Variants in RAB6A observed in about 807,000 individuals in gnomAD.
RAB6A encodes the protein RAB6A, member RAS oncogene family.
In RAB6A, 8 loss-of-function variants were observed where a neutral mutation model predicts 32.3. The observed-to-expected ratio is 0.25, with a 90% CI of 0.15 to 0.45. The LOEUF (loss-of-function observed/expected upper bound fraction) is 0.45. Ranked by LOEUF, RAB6A falls within the 20% of genes least tolerant of loss-of-function variation. The pLI, the probability that RAB6A is intolerant of heterozygous loss-of-function variation, is 1.00. For synonymous variants in RAB6A, 73 were observed against 82.1 expected (o/e 0.89, Z 0.60); for missense variants, 104 against 249.4 (o/e 0.42, Z 3.93).
At chr11:73,719,990 A>G (rs1299238377) in intron 3 of RAB6A, among the ~76,000 whole-genome samples, 2 of 151,830 alleles carry the variant, frequency 1.3e-5, no homozygotes, top group African/African-American at 4.8e-5. Flanking sequence ...AAAAACACCT[A>G]AGAAATAACA....
intron 1 of RAB6A, among the ~76,000 whole-genome samples, chr11:73,737,450 T>G (rs1946416919): frequency 6.6e-6 from 1 of 152,094 alleles, no homozygotes; most frequent in African/African-American, 2.4e-5. Context: ...ACCACTGCAC[T>G]CCAGCCTGGG....
intron 1 of RAB6A, among the ~76,000 whole-genome samples, chr11:73,735,920 TAA>T (rs10676769): frequency 2.3e-5 from 2 of 87,078 alleles, no homozygotes; most frequent in Non-Finnish European, 4.4e-5. Flanking sequence ...AACCTTGCCT[TAA>T]AAAAAAAAAA....
intron 7 of RAB6A, among the ~76,000 whole-genome samples, 173 bp from the exon 8 acceptor site, chr11:73,678,135 ATATCT>A (rs1214324738): frequency 6.6e-6 from 1 of 152,234 alleles, no homozygotes; most frequent in Non-Finnish European, 1.5e-5. Flanking sequence ...AAACTTGTTT[ATATCT>A]ACTATATGCA....
chr11:73,737,582 C>T (rs1590878803), intron 1 of RAB6A, among the ~76,000 whole-genome samples: 1 of 152,118 alleles, frequency 6.6e-6, no homozygotes, highest in Non-Finnish European at 1.5e-5. Flanking sequence ...GCCAAATGTC[C>T]ATCAACTAAT....
At chr11:73,705,737 T>C (rs908941089) in intron 6 of RAB6A, among the ~76,000 whole-genome samples, 2 of 148,360 alleles carry the variant, frequency 1.3e-5, no homozygotes, top group African/African-American at 5.0e-5. Flanking sequence ...TCCATACACA[T>C]TGCTAGGTTC....
chr11:73,687,986 C>A (rs371344324), intron 6 of RAB6A, among the ~76,000 whole-genome samples: 1 of 152,170 alleles, frequency 6.6e-6, no homozygotes, highest in African/African-American at 2.4e-5. Context: ...GAGATAGTGT[C>A]TTTCTTAGTG....
intron 2 of RAB6A, among the ~76,000 whole-genome samples, chr11:73,728,390 T>C (rs561967663): frequency 6.6e-6 from 1 of 152,164 alleles, no homozygotes; most frequent in Non-Finnish European, 1.5e-5. Context: ...ATGCTTTTTA[T>C]GTGTACATTC....
At chr11:73,710,694 G>A (rs1450631192) in intron 5 of RAB6A, among the ~76,000 whole-genome samples, 1 of 151,616 alleles carries the variant, frequency 6.6e-6, no homozygotes, top group African/African-American at 2.4e-5. Context: ...CCGAGGTTGT[G>A]CTATTGCACT....
chr11:73,708,378 A>T (rs1160500733), intron 5 of RAB6A, among the ~76,000 whole-genome samples: 2 of 152,188 alleles, frequency 1.3e-5, no homozygotes, highest in Admixed American at 6.5e-5. Context: ...CATGTTGGCC[A>T]GGCTGGTCTC....
At chr11:73,759,886 C>G (rs1946814775) in intron 1 of RAB6A, among the ~76,000 whole-genome samples, 1 of 152,228 alleles carries the variant, frequency 6.6e-6, no homozygotes, top group Non-Finnish European at 1.5e-5. Flanking sequence ...ACAGCCCCAT[C>G]TAACCTAAGG....
chr11:73,737,148 G>A (rs1946411375), intron 1 of RAB6A, among the ~76,000 whole-genome samples: 1 of 152,070 alleles, frequency 6.6e-6, no homozygotes, highest in South Asian at 2.1e-4. Context: ...GAAATGTTTG[G>A]AAATAACATA....
intron 1 of RAB6A, among the ~76,000 whole-genome samples, chr11:73,736,809 G>GAAAAAAAAAAAAAAA (rs756237159): frequency 1.8e-4 from 20 of 108,756 alleles, no homozygotes; most frequent in African/African-American, 3.4e-4. Flanking sequence ...AAAAAAAAAA[G>GAAAAAAAAAAAAAAA]AAAAAAAAAA....
At chr11:73,692,057 GTTAA>G (rs2134885152) in intron 6 of RAB6A, among the ~76,000 whole-genome samples, 1 of 152,180 alleles carries the variant, frequency 6.6e-6, no homozygotes, top group East Asian at 1.9e-4. Context: ...CCTATTGAAC[GTTAA>G]TTGTCAGATT....
intron 3 of RAB6A, chr11:73,718,977 G>A (rs1490617092): frequency 7.9e-7 from 1 of 1,261,938 alleles, no homozygotes; most frequent in African/African-American, 1.5e-5. Context: ...GTAAAAGGGA[G>A]AGGGTGGGAA....
At chr11:73,725,707 T>C (rs1011702351) in intron 2 of RAB6A, among the ~76,000 whole-genome samples, 2 of 152,146 alleles carry the variant, frequency 1.3e-5, no homozygotes, top group African/African-American at 2.4e-5. Context: ...CCACAACATG[T>C]GGGAATTGTG....
At chr11:73,742,498 A>G (rs1045181263) in intron 1 of RAB6A, among the ~76,000 whole-genome samples, 2 of 152,058 alleles carry the variant, frequency 1.3e-5, no homozygotes, top group African/African-American at 4.8e-5. Flanking sequence ...TGGTAAAGAC[A>G]GACTACTGAT....
rs1946451915 is a variant in RAB6A, at chr11:73,739,275, A to AT, written c.71-8453_71-8452insA. Among the ~76,000 whole-genome samples the AT allele has an allele frequency of 1.5e-4, 7 of 46,550 alleles. 2 individuals are homozygous for AT. The highest frequency in any genetic ancestry group is 4.2e-4 in the African/African-American group (7 of 16,864). 30.5% of individuals were successfully genotyped at this position (46,550 alleles called of 152,430 possible). On this transcript the variant is annotated intron_variant, in intron 1 of 7. Transcript: ENST00000336083. The stretch of plus-strand genomic sequence containing the variant: ...TAGTAATAATAATTAAAAAAAAAAA[A>AT]AAAAAAAAAATATATATATATATAT...
chr11:73,678,229 T>A (rs1443649543), intron 7 of RAB6A, among the ~76,000 whole-genome samples: 1 of 152,230 alleles, frequency 6.6e-6, no homozygotes, highest in Admixed American at 6.5e-5. Flanking sequence ...CAAGAAGTGA[T>A]ATGAAGATGA....
At chr11:73,753,111 G>A (rs573893733) in intron 1 of RAB6A, among the ~76,000 whole-genome samples, 4 of 151,752 alleles carry the variant, frequency 2.6e-5, no homozygotes, top group South Asian at 2.1e-4. Context: ...TCAGCCGAGC[G>A]CAATGGCGAA....
Sources: allele counts gnomAD v4.1 joint callset (sites outside exome capture counted in the v4.1 genomes callset), GRCh38; gene constraint gnomAD v4.1.1; transcripts MANE v1.5; gene names NCBI Gene and HGNC (gene_info 2026-07-23, HGNC 2026-07-21).